Variants in LRIG1 observed in about 807,000 individuals in gnomAD.
LRIG1 encodes leucine rich repeats and immunoglobulin like domains 1.
In LRIG1, 48 loss-of-function variants were observed where a neutral mutation model predicts 99.2. The ratio of observed to expected loss-of-function variants is 0.48; its 90% CI spans 0.38 to 0.62. LRIG1 has a LOEUF of 0.62. Among genes scored for constraint, LRIG1 ranks in the 20% least tolerant of loss-of-function variants. The pLI is 0.00. For synonymous variants in LRIG1, 772 were observed against 596.1 expected, an observed-to-expected ratio of 1.29 and a Z score of -4.30; for missense variants, 1,646 against 1,434.4, an observed-to-expected ratio of 1.15 and a Z score of -2.38.
At chr3:66,479,924 T>A (rs1056050555) in intron 1 of LRIG1, among the ~76,000 whole-genome samples, 1 of 152,212 alleles carries the variant, frequency 6.6e-6, no homozygotes, top group South Asian at 2.1e-4. Flanking sequence ...AGAATTGCCA[T>A]ATGACCCAGT....
intron 3 of LRIG1, among the ~76,000 whole-genome samples, chr3:66,420,439 A>G (rs1199161172): frequency 6.6e-6 from 1 of 152,240 alleles, no homozygotes; most frequent in Non-Finnish European, 1.5e-5. Context: ...GAGGCACACC[A>G]TATGATCCCA....
At chr3:66,429,551 T>C (rs1235807814) in intron 3 of LRIG1, among the ~76,000 whole-genome samples, 11 of 152,196 alleles carry the variant, frequency 7.2e-5, no homozygotes, top group Admixed American at 7.2e-4. Context: ...AATATTTAAC[T>C]GCCAGAGGCT....
At chr3:66,447,310 T>G (rs1239181450) in intron 3 of LRIG1, among the ~76,000 whole-genome samples, 2 of 152,318 alleles carry the variant, frequency 1.3e-5, no homozygotes, top group East Asian at 3.9e-4. Flanking sequence ...TAGCAGGTCT[T>G]CATTCTATTT....
rs1280616446 is a variant in LRIG1 at position 66,380,461 on chromosome 3, C to A, written c.3084G>T (p.Leu1028Phe). Residue 1028 changes from leucine (L) to phenylalanine (F), a missense_variant, in exon 19 of 19, where the codon TTG (leucine) becomes TTT (phenylalanine). Transcript: ENST00000273261. The part of the protein sequence containing the change: ...KGDSSWTLAR[L>F]YHPDSTELQP... ...GTAGCTCTGTGGAGTCCGGGTGATA[C>A]AACCTTGCTAAAGTCCAGGAAGAAT... is the stretch of plus-strand genomic sequence containing the variant. 6.2e-7 allele frequency: 1 copy of A among 1,614,180 alleles called. No homozygotes were observed. Among genetic ancestry groups the A allele is most frequent in the East Asian group, 2.2e-5 (1 of 44,876 alleles).
chr3:66,420,608 AAAAAG>A (rs1702775223), intron 3 of LRIG1, among the ~76,000 whole-genome samples: 1 of 152,258 alleles, frequency 6.6e-6, no homozygotes, highest in East Asian at 1.9e-4. Flanking sequence ...ACTCAGCCTT[AAAAAG>A]AAAAGAAATT....
intron 12 of LRIG1, 134 bp downstream of exon 12, chr3:66,393,906 T>C (rs67550176): frequency 0.18 from 156,734 of 893,596 alleles, 15,513 homozygotes; most frequent in Non-Finnish European, 0.2. Flanking sequence ...AAGAAATAAA[T>C]TGCATCCAGC....
intron 3 of LRIG1, among the ~76,000 whole-genome samples, chr3:66,446,689 A>G (rs1464798664): frequency 6.6e-6 from 1 of 151,988 alleles, no homozygotes; most frequent in Non-Finnish European, 1.5e-5. Flanking sequence ...TACAGGTGTG[A>G]GCCACCATGC....
At chr3:66,494,955 G>C (rs1701194560) in intron 1 of LRIG1, among the ~76,000 whole-genome samples, 1 of 152,162 alleles carries the variant, frequency 6.6e-6, no homozygotes, top group African/African-American at 2.4e-5. Context: ...CAAATTCTTT[G>C]AGCAAAACAT....
At chr3:66,401,964 A>C (rs1702074231) in intron 9 of LRIG1, among the ~76,000 whole-genome samples, 1 of 152,166 alleles carries the variant, frequency 6.6e-6, no homozygotes, top group Non-Finnish European at 1.5e-5. Context: ...AGTAGCCGCG[A>C]CATGTGCACT....
At chr3:66,381,882 C>G (rs371835019) in intron 16 of LRIG1, among the ~76,000 whole-genome samples, 1 of 152,152 alleles carries the variant, frequency 6.6e-6, no homozygotes, top group Admixed American at 6.5e-5. Context: ...AGGCCCCCAC[C>G]GTTGGAAGTA....
At chr3:66,428,420 A>G (rs189371230) in intron 3 of LRIG1, among the ~76,000 whole-genome samples, 1 of 152,322 alleles carries the variant, frequency 6.6e-6, no homozygotes, top group Admixed American at 6.5e-5. Context: ...AGCTCAATCT[A>G]ATCTTCTTCA....
chr3:66,473,346 G>A (rs182015198), intron 1 of LRIG1, among the ~76,000 whole-genome samples: 1 of 152,324 alleles, frequency 6.6e-6, no homozygotes, highest in Non-Finnish European at 1.5e-5. Context: ...AAGTTCCCCA[G>A]AGTACGGGAG....
rs1398903559 is a variant in LRIG1, at chr3:66,380,061, A to G, written c.*202T>C. 3 of 506,018 alleles carry G rather than the reference A, an allele frequency of 5.9e-6. No individual in the cohort carries two copies. The highest frequency in any genetic ancestry group is 7.0e-6 in the Non-Finnish European group (2 of 286,024). The allele number at this position is 506,018 out of a possible 1,614,324, so 31.3% of individuals were successfully genotyped here. A position where few individuals can be genotyped will look rare whatever the true frequency, so the allele number is the denominator to read the frequency against. On this transcript the variant is annotated 3_prime_UTR_variant, in exon 19 of 19. Transcript: ENST00000273261. ...GAAAACTCTTATGTACAATGATATC[A>G]AATACTTTTTTTGCCTTTTGTACAC...
intron 2 of LRIG1, among the ~76,000 whole-genome samples, chr3:66,452,838 T>G (rs561205676): frequency 7.9e-5 from 12 of 152,216 alleles, no homozygotes; most frequent in Non-Finnish European, 1.8e-4. Context: ...ATTACTGGGC[T>G]GTGGGACATA....
intron 12 of LRIG1, 76 bp from the exon 13 acceptor site, chr3:66,386,377 GA>G: frequency 7.9e-7 from 1 of 1,270,878 alleles, no homozygotes. Context: ...CATGCTAACA[GA>G]AACTGACACA....
intron 3 of LRIG1, among the ~76,000 whole-genome samples, chr3:66,425,189 G>A (rs1020513951): frequency 7.2e-5 from 11 of 152,176 alleles, no homozygotes; most frequent in African/African-American, 2.7e-4. Context: ...TATCTAGCCC[G>A]TCCGAGAGGC....
At chr3:66,430,537 G>A (rs183082349) in intron 3 of LRIG1, among the ~76,000 whole-genome samples, 2 of 152,310 alleles carry the variant, frequency 1.3e-5, no homozygotes, top group East Asian at 3.9e-4. Flanking sequence ...TCCCCTGGGA[G>A]TTCCACGTGG....
At chr3:66,470,351 T>C (rs566993490) in intron 1 of LRIG1, among the ~76,000 whole-genome samples, 6 of 152,326 alleles carry the variant, frequency 3.9e-5, no homozygotes, top group East Asian at 1.9e-4. Flanking sequence ...GAAACGTTTA[T>C]TGAAAATGCA....
At chr3:66,417,802 A>C (rs998165718) in intron 3 of LRIG1, among the ~76,000 whole-genome samples, 4 of 152,326 alleles carry the variant, frequency 2.6e-5, no homozygotes, top group Non-Finnish European at 4.4e-5. Context: ...AAAAGAAAAA[A>C]AAAAAAAGAT....
Sources: allele counts gnomAD v4.1 joint callset (sites outside exome capture counted in the v4.1 genomes callset), GRCh38; gene constraint gnomAD v4.1.1; transcripts MANE v1.5; gene names NCBI Gene and HGNC (gene_info 2026-07-23, HGNC 2026-07-21).